PID1: variants seen among roughly 807,000 people sequenced by gnomAD.
PID1 encodes the protein PTB-containing, cubilin and LRP1-interacting protein.
PID1 carries 10 observed loss-of-function variants against 19.1 expected under a neutral mutation model. The ratio of observed to expected loss-of-function variants is 0.52; its 90% CI spans 0.32 to 0.89. The LOEUF (loss-of-function observed/expected upper bound fraction) is 0.89. Among genes scored for constraint, PID1 ranks in the 40% least tolerant of loss-of-function variants. The pLI, the probability that PID1 is intolerant of heterozygous loss-of-function variation, is 0.03. For missense variants in PID1, 248 were observed against 285.3 expected (o/e 0.87, Z 0.94); for synonymous variants, 130 against 116.0 (o/e 1.12, Z -0.78).
At chr2:229,197,687 C>T (rs1691406655) in intron 1 of PID1, among the ~76,000 whole-genome samples, 1 of 151,912 alleles carries the variant, frequency 6.6e-6, no homozygotes, top group Non-Finnish European at 1.5e-5. Context: ...AAATTTCTTA[C>T]TAAACCCTAA....
In PID1 at chr2:229,080,627, G is replaced by C. The variant is rs565418157; in HGVS notation, c.178-54519C>G. ...ATGCATGTCTTTCTCTAGGAACCTA[G>C]GATGTTCTCAAGGGCAGAAGTCACA... On this transcript the variant is annotated intron_variant, in intron 2 of 2. Transcript: ENST00000392055. Among the ~76,000 whole-genome samples the C allele has an allele frequency of 2.6e-5, 4 of 152,278 alleles. No homozygotes were observed. The South Asian group carries it at 8.3e-4, about 32-fold the overall frequency.
intron 1 of PID1, among the ~76,000 whole-genome samples, chr2:229,258,722 C>T (rs545227507): frequency 6.6e-6 from 1 of 152,136 alleles, no homozygotes; most frequent in East Asian, 1.9e-4. Flanking sequence ...GCCGGGCCTA[C>T]GTAGTGGCGG....
rs147694129 is a variant in PID1 at position 229,114,888 on chromosome 2, A to G, written c.177+40930T>C. On this transcript the variant is annotated intron_variant, in intron 2 of 2. Coordinates refer to ENST00000392055, the MANE Select transcript of PID1 (RefSeq NM_001100818.2). ...ACTTTTATTGGATCTATAAAAGCCA[A>G]CTATCCTGACTCTTAGTCAATGATA... is the stretch of plus-strand genomic sequence containing the variant. Among the ~76,000 whole-genome samples, 548 of 152,324 alleles carry G rather than the reference A, an allele frequency of 3.6e-3. 6 individuals are homozygous for G. The highest frequency in any genetic ancestry group is 0.012 in the African/African-American group (509 of 41,566).
At chr2:229,222,315 A>G (rs1691988063) in intron 1 of PID1, among the ~76,000 whole-genome samples, 1 of 152,190 alleles carries the variant, frequency 6.6e-6, no homozygotes, top group Non-Finnish European at 1.5e-5. Flanking sequence ...TGTTATGGTC[A>G]CTATTGTTAT....
intron 2 of PID1, among the ~76,000 whole-genome samples, chr2:229,059,769 C>A (rs1694175051): frequency 6.6e-6 from 1 of 152,108 alleles, no homozygotes; most frequent in African/African-American, 2.4e-5. Context: ...TTTTACCTCA[C>A]CTTGCGACAT....
chr2:229,248,995 C>T (rs1410015836), intron 1 of PID1, among the ~76,000 whole-genome samples: 3 of 152,110 alleles, frequency 2.0e-5, no homozygotes, highest in Non-Finnish European at 4.4e-5. Context: ...GGAAAAGCAA[C>T]CTAAAACTTT....
chr2:229,139,021 A>AAGAAAGAAAGAAAG (rs1689925204), intron 2 of PID1, among the ~76,000 whole-genome samples: 2 of 86,728 alleles, frequency 2.3e-5, no homozygotes, highest in African/African-American at 4.4e-5. Flanking sequence ...GAAAGAAAGA[A>AAGAAAGAAAGAAAG]AGAAAGAAAG....
intron 2 of PID1, among the ~76,000 whole-genome samples, chr2:229,077,314 T>A (rs1171200201): frequency 6.6e-6 from 1 of 152,148 alleles, no homozygotes; most frequent in Non-Finnish European, 1.5e-5. Flanking sequence ...ATTGCAAAAA[T>A]TTTCTCCAAC....
chr2:229,248,598 A>G (rs1227001), intron 1 of PID1, among the ~76,000 whole-genome samples: 144,708 of 152,238 alleles, frequency 0.95, 69,196 homozygotes, highest in East Asian at 1. Context: ...CCTGGATTAA[A>G]TATTATTATG....
At chr2:229,264,135 G>C (rs1319853696) in intron 1 of PID1, among the ~76,000 whole-genome samples, 1 of 152,200 alleles carries the variant, frequency 6.6e-6, no homozygotes, top group Non-Finnish European at 1.5e-5. Flanking sequence ...CCCTGTTTGA[G>C]AATACTTGCC....
At chr2:229,111,172 C>G (rs1339060814) in intron 2 of PID1, among the ~76,000 whole-genome samples, 1 of 152,142 alleles carries the variant, frequency 6.6e-6, no homozygotes, top group African/African-American at 2.4e-5. Flanking sequence ...CATTAAACCT[C>G]TTTTTCTTTA....
At chr2:229,173,012 C>A (rs1425360472) in intron 1 of PID1, among the ~76,000 whole-genome samples, 1 of 152,214 alleles carries the variant, frequency 6.6e-6, no homozygotes, top group South Asian at 2.1e-4. Flanking sequence ...AGATTACAGG[C>A]GTGAACCACT....
chr2:229,139,857 G>T (rs1417327780), intron 2 of PID1, among the ~76,000 whole-genome samples: 1 of 152,128 alleles, frequency 6.6e-6, no homozygotes, highest in Non-Finnish European at 1.5e-5. Context: ...TACCAGTTCT[G>T]CTCCTACACC....
intron 2 of PID1, among the ~76,000 whole-genome samples, chr2:229,121,526 G>T (rs1026841930): frequency 1.3e-5 from 2 of 152,146 alleles, no homozygotes; most frequent in Non-Finnish European, 2.9e-5. Flanking sequence ...AATCAGAAAA[G>T]GGAGTTGGAT....
intron 1 of PID1, among the ~76,000 whole-genome samples, chr2:229,212,880 C>G (rs1474410476): frequency 6.6e-6 from 1 of 152,076 alleles, no homozygotes; most frequent in African/African-American, 2.4e-5. Flanking sequence ...TCCCACACGT[C>G]CCGGCTGACC....
chr2:229,153,284 G>A (rs573955286), intron 2 of PID1, among the ~76,000 whole-genome samples: 23 of 152,234 alleles, frequency 1.5e-4, no homozygotes, highest in Admixed American at 1.3e-3. Flanking sequence ...AGAATTACAC[G>A]TTGCAGGTTT....
intron 1 of PID1, among the ~76,000 whole-genome samples, chr2:229,247,592 A>C (rs1163832990): frequency 6.6e-6 from 1 of 152,194 alleles, no homozygotes; most frequent in African/African-American, 2.4e-5. Context: ...TTGGAAGATA[A>C]ATATTTTACA....
intron 2 of PID1, among the ~76,000 whole-genome samples, chr2:229,125,082 C>T (rs1440528748): frequency 6.6e-6 from 1 of 152,142 alleles, no homozygotes; most frequent in East Asian, 1.9e-4. Flanking sequence ...TCAGACTTTA[C>T]TCTTTCAAGT....
intron 1 of PID1, among the ~76,000 whole-genome samples, chr2:229,193,689 T>G (rs1691311705): frequency 6.6e-6 from 1 of 151,798 alleles, no homozygotes; most frequent in Non-Finnish European, 1.5e-5. Flanking sequence ...TGTGAGAGAG[T>G]ATGTGTGTGT....
Sources: gnomAD v4.1 joint callset for allele counts (sites outside exome capture counted in the v4.1 genomes callset) on GRCh38, gnomAD v4.1.1 for gene constraint, MANE v1.5 for transcripts, NCBI Gene and HGNC (gene_info 2026-07-23, HGNC 2026-07-21) for gene names.